Variants in ACACA observed in about 807,000 individuals in gnomAD.
ACACA encodes the protein acetyl-CoA carboxylase 1.
A neutral mutation model predicts 296.1 loss-of-function variants in ACACA; 103 were observed. The observed-to-expected ratio is 0.35, with a 90% CI of 0.30 to 0.41. The LOEUF (loss-of-function observed/expected upper bound fraction) is 0.41, where lower values mean the gene tolerates loss of function less well. Among genes scored for constraint, ACACA ranks in the 10% least tolerant of loss-of-function variants. ACACA has a pLI of 1.00. For missense variants in ACACA, 1,554 were observed against 2,989.7 expected, an observed-to-expected ratio of 0.52 and a Z score of 11.20; for synonymous variants, 953 against 1,038.6, an observed-to-expected ratio of 0.92 and a Z score of 1.58.
At chr17:37,310,811 A>G (rs191541480) in intron 3 of ACACA, among the ~76,000 whole-genome samples, 3,753 of 148,838 alleles carry the variant, frequency 0.025, 52 homozygotes, top group Non-Finnish European at 0.034. Context: ...AAAAAAAAAA[A>G]AAAGAAAGAA....
chr17:37,093,379 C>A (rs899529733), intron 54 of ACACA, among the ~76,000 whole-genome samples: 1 of 152,226 alleles, frequency 6.6e-6, no homozygotes, highest in Admixed American at 6.5e-5. Flanking sequence ...CCCTTTCCGC[C>A]GAGGTCAATC....
At chr17:37,333,961 C>T (rs942208007) in intron 2 of ACACA, among the ~76,000 whole-genome samples, 4 of 151,926 alleles carry the variant, frequency 2.6e-5, no homozygotes, top group African/African-American at 7.2e-5. Flanking sequence ...TTCCCAGATT[C>T]GGACTTCCCC....
At chr17:37,222,597 G>A (rs74605256) in intron 28 of ACACA, among the ~76,000 whole-genome samples, 162 of 152,206 alleles carry the variant, frequency 1.1e-3, no homozygotes, top group African/African-American at 3.7e-3. Flanking sequence ...TCTATGGCAC[G>A]GGAAGTATAT....
chr17:37,129,633 T>C (rs757601425), intron 46 of ACACA, 148 bp from the exon 47 acceptor site: 24 of 1,091,338 alleles, frequency 2.2e-5, no homozygotes, highest in Non-Finnish European at 3.2e-5. Context: ...GAATCCTACG[T>C]ATGTGCCAGG....
chr17:37,103,172 A>G (rs1176470000), intron 52 of ACACA, among the ~76,000 whole-genome samples: 2 of 152,250 alleles, frequency 1.3e-5, no homozygotes. Context: ...CAAAGCAGCC[A>G]GCCCCGGTAA....
chr17:37,269,967 C>T (rs1432465011), intron 10 of ACACA, among the ~76,000 whole-genome samples: 1 of 152,102 alleles, frequency 6.6e-6, no homozygotes, highest in Non-Finnish European at 1.5e-5. Flanking sequence ...GTGAGGGTAA[C>T]TCTGAGGACA....
At chr17:37,349,490 T>C (rs1056549249) in intron 1 of ACACA, among the ~76,000 whole-genome samples, 3 of 148,554 alleles carry the variant, frequency 2.0e-5, no homozygotes, top group African/African-American at 7.4e-5. Context: ...GTATATAAGA[T>C]ATATCTTACA....
chr17:37,279,532 T>G (rs1009321375), intron 5 of ACACA, among the ~76,000 whole-genome samples: 2 of 150,410 alleles, frequency 1.3e-5, no homozygotes, highest in Non-Finnish European at 3.0e-5. Context: ...ACAGACAGAG[T>G]GAGGCTGAGG....
At chr17:37,394,876 G>C (rs910813749) in intron 1 of ACACA, among the ~76,000 whole-genome samples, 108 of 150,892 alleles carry the variant, frequency 7.2e-4, no homozygotes, top group African/African-American at 2.6e-3. Context: ...GCGACACAGC[G>C]AGACTCTGTC....
chr17:37,228,629 G>C (rs1179993214), intron 25 of ACACA, among the ~76,000 whole-genome samples: 5 of 152,100 alleles, frequency 3.3e-5, no homozygotes, highest in Non-Finnish European at 5.9e-5. Context: ...GATAACAGTA[G>C]GTAGGGAAAC....
intron 35 of ACACA, 37 bp from the exon 36 acceptor site, chr17:37,193,452 C>A: frequency 6.8e-7 from 1 of 1,480,230 alleles, no homozygotes; most frequent in South Asian, 1.1e-5. Flanking sequence ...GTCAGTAGTT[C>A]ATAGACATGG....
intron 1 of ACACA, among the ~76,000 whole-genome samples, chr17:37,368,154 C>T (rs1364300785): frequency 6.6e-6 from 1 of 152,136 alleles, no homozygotes; most frequent in African/African-American, 2.4e-5. Flanking sequence ...GAGGCCCTGT[C>T]TTAGCTATGA....
intron 29 of ACACA, among the ~76,000 whole-genome samples, chr17:37,219,099 C>T (rs2079163552): frequency 6.6e-6 from 1 of 152,176 alleles, no homozygotes; most frequent in Admixed American, 6.5e-5. Flanking sequence ...AGGTTGAGGG[C>T]TTTCAGCCAG....
chr17:37,255,756 G>GT (rs1267150932), intron 14 of ACACA, among the ~76,000 whole-genome samples: 1 of 151,926 alleles, frequency 6.6e-6, no homozygotes, highest in Non-Finnish European at 1.5e-5. Context: ...TTTGTTTTTT[G>GT]TTTTTTTGAG....
At chr17:37,285,325 C>T (rs1399453094) in intron 3 of ACACA, among the ~76,000 whole-genome samples, 1 of 152,182 alleles carries the variant, frequency 6.6e-6, no homozygotes, top group Non-Finnish European at 1.5e-5. Flanking sequence ...AGATGACCTT[C>T]ACCTCTGTAT....
At position 37,339,843 on chromosome 17, in the gene ACACA, A is replaced by T; in HGVS notation, c.46T>A (p.Trp16Arg). Reference sequence around the variant, plus strand: ...ACTGTCTGAGTAGATATCCACTTCCAAAAAGACCTAGAGAGAAAGAGAAAG... The same window carrying T: ...ACTGTCTGAGTAGATATCCACTTCCTAAAAGACCTAGAGAGAAAGAGAAAG... ...LMSILRARSF[W>R]KWISTQTVRI... Residue 16 changes from tryptophan (W) to arginine (R), a missense_variant, in exon 2 of 56, where the codon TGG (tryptophan) becomes AGG (arginine). By Grantham distance (101) the Trp-to-Arg change is moderately radical. Around this residue, in one of 16 missense-constraint regions of ACACA, gnomAD observed 140 missense variants for 147.7 expected, o/e 0.95. Coordinates refer to ENST00000616317, the MANE Select transcript of ACACA (RefSeq NM_198834.3). The T allele has an allele frequency of 7.6e-7, 1 of 1,319,574 alleles. No individual in the cohort carries two copies. Among genetic ancestry groups the T allele is most frequent in the Non-Finnish European group, 1.1e-6 (1 of 940,170 alleles). The allele number at this position is 1,319,574 out of a possible 1,614,324, so 81.7% of individuals were successfully genotyped here.
chr17:37,091,569 T>C (rs546857162), intron 54 of ACACA, among the ~76,000 whole-genome samples: 1 of 152,046 alleles, frequency 6.6e-6, no homozygotes, highest in East Asian at 1.9e-4. Context: ...CACTGGGTTA[T>C]GGAGTTTACA....
At chr17:37,401,869 A>G (rs1026495101) in intron 1 of ACACA, among the ~76,000 whole-genome samples, 7 of 152,150 alleles carry the variant, frequency 4.6e-5, no homozygotes, top group Non-Finnish European at 1.0e-4. Context: ...CAGAAACTCT[A>G]CGTTTGATTC....
intron 1 of ACACA, among the ~76,000 whole-genome samples, chr17:37,381,094 T>TA (rs1349729183): frequency 6.6e-6 from 1 of 152,078 alleles, no homozygotes; most frequent in Non-Finnish European, 1.5e-5. Flanking sequence ...GTGCATATTT[T>TA]AAAAACATAA....
Sources: gnomAD v4.1 joint callset for allele counts (sites outside exome capture counted in the v4.1 genomes callset) on GRCh38, gnomAD v4.1.1 for gene constraint, gnomAD v4.1.1 regional missense constraint, MANE v1.5 for transcripts, NCBI Gene and HGNC (gene_info 2026-07-23, HGNC 2026-07-21) for gene names.